FGF13: variants seen among roughly 807,000 people sequenced by gnomAD.
FGF13 encodes the protein fibroblast growth factor homologous factor 2.
FGF13 carries 2 observed loss-of-function variants against 19.5 expected under a neutral mutation model. The ratio of observed to expected loss-of-function variants is 0.10; its 90% CI spans 0.04 to 0.32. The LOEUF (loss-of-function observed/expected upper bound fraction) is 0.32, where lower values mean the gene tolerates loss of function less well. Ranked by LOEUF, FGF13 falls within the 10% of genes least tolerant of loss-of-function variation. FGF13 has a pLI of 1.00. For missense variants in FGF13, 113 were observed against 192.7 expected, an observed-to-expected ratio of 0.59 and a Z score of 2.45; for synonymous variants, 72 against 76.9, an observed-to-expected ratio of 0.94 and a Z score of 0.33.
At chrX:139,130,553 C>T (rs772780652) in intron 1 of FGF13, among the ~76,000 whole-genome samples, 4 of 111,686 alleles carry the variant, frequency 3.6e-5, no homozygotes, top group Non-Finnish European at 5.6e-5. Context: ...GGAGTGTATC[C>T]CCAGTACCTA....
At chrX:139,063,210 C>G (rs1216676821) in intron 1 of FGF13, among the ~76,000 whole-genome samples, 1 of 111,116 alleles carries the variant, frequency 9.0e-6, no homozygotes, top group African/African-American at 3.3e-5. Flanking sequence ...GTTTTTATAA[C>G]ATTTTCTTCT....
intron 1 of FGF13, among the ~76,000 whole-genome samples, chrX:138,724,073 C>G (rs746601569): frequency 2.7e-5 from 3 of 111,985 alleles, no homozygotes; most frequent in African/African-American, 9.7e-5. Context: ...TTGCATACCA[C>G]TTGAGTGGAA....
At chrX:138,910,116 C>G (rs1240891157) in intron 1 of FGF13, among the ~76,000 whole-genome samples, 1 of 110,839 alleles carries the variant, frequency 9.0e-6, no homozygotes, top group Non-Finnish European at 1.9e-5. Context: ...CAAGATCAAG[C>G]TATGTACCAC....
chrX:139,039,076 A>T (rs1194363849), intron 1 of FGF13, among the ~76,000 whole-genome samples: 3 of 112,266 alleles, frequency 2.7e-5, no homozygotes, highest in Non-Finnish European at 5.6e-5. Flanking sequence ...TTTGAAACCA[A>T]GCCTTCTTTA....
intron 3 of FGF13, among the ~76,000 whole-genome samples, chrX:138,669,206 A>G (rs2089587247): frequency 9.0e-6 from 1 of 110,677 alleles, no homozygotes; most frequent in South Asian, 3.9e-4. Context: ...TAATTGATGT[A>G]TCTAGGTCCC....
At chrX:138,850,719 A>G (rs1298559441) in intron 3 of FGF13, among the ~76,000 whole-genome samples, 1 of 112,262 alleles carries the variant, frequency 8.9e-6, no homozygotes, top group African/African-American at 3.2e-5. Context: ...AGTCACCAGA[A>G]CACATGGTCC....
At chrX:138,996,955 T>C (rs367737400) in intron 1 of FGF13, among the ~76,000 whole-genome samples, 1 of 111,684 alleles carries the variant, frequency 9.0e-6, no homozygotes, top group Non-Finnish European at 1.9e-5. Context: ...GGCGGGTGCC[T>C]CTCTGGGACA....
At chrX:138,965,690 T>C (rs2091891925) in intron 1 of FGF13, among the ~76,000 whole-genome samples, 1 of 108,834 alleles carries the variant, frequency 9.2e-6, no homozygotes, top group South Asian at 4.1e-4. Flanking sequence ...ATGTCCCTTG[T>C]TCCAAAATTA....
chrX:138,835,432 T>C (rs1414160038), intron 3 of FGF13, among the ~76,000 whole-genome samples: 2 of 112,197 alleles, frequency 1.8e-5, no homozygotes, highest in East Asian at 5.6e-4. Context: ...TTTTGTTTTT[T>C]GATCTTCATT....
intron 1 of FGF13, among the ~76,000 whole-genome samples, chrX:138,913,720 G>A (rs144397841): frequency 0.033 from 3,519 of 107,198 alleles, 154 homozygotes; most frequent in African/African-American, 0.12. Flanking sequence ...AAAACTATCA[G>A]GGCGAACAAG....
At chrX:138,959,301 G>A (rs1213171305) in intron 1 of FGF13, among the ~76,000 whole-genome samples, 7 of 111,899 alleles carry the variant, frequency 6.3e-5, no homozygotes, top group African/African-American at 3.3e-5. Context: ...TCAGGAGCAG[G>A]TTGTTCAGAT....
At chrX:138,971,767 G>A (rs1489804255) in intron 1 of FGF13, among the ~76,000 whole-genome samples, 2 of 110,974 alleles carry the variant, frequency 1.8e-5, no homozygotes, top group Non-Finnish European at 3.8e-5. Flanking sequence ...ATACATTATT[G>A]TTCACTGAGC....
At chrX:138,719,233 T>C (rs1321410346) in intron 1 of FGF13, among the ~76,000 whole-genome samples, 1 of 112,114 alleles carries the variant, frequency 8.9e-6, no homozygotes, top group Non-Finnish European at 1.9e-5. Context: ...AAATATAGCA[T>C]GATTTTTCTA....
intron 3 of FGF13, among the ~76,000 whole-genome samples, chrX:138,680,979 C>A (rs1444008271): frequency 9.1e-6 from 1 of 109,762 alleles, no homozygotes; most frequent in African/African-American, 3.3e-5. Context: ...TGAGACCAGC[C>A]TGGCCAACAT....
intron 1 of FGF13, among the ~76,000 whole-genome samples, chrX:139,146,799 A>G (rs1192527804): frequency 3.6e-5 from 4 of 111,505 alleles, no homozygotes; most frequent in African/African-American, 1.3e-4. Context: ...ATAAAAAAGG[A>G]TGAGTTCATG....
chrX:138,756,165 C>A (rs1013787340), intron 3 of FGF13, among the ~76,000 whole-genome samples: 11 of 112,419 alleles, frequency 9.8e-5, no homozygotes, highest in African/African-American at 3.6e-4. Context: ...TAAGTCACCC[C>A]GTATTTTGTT....
chrX:139,203,442 C>G (rs2084433477), exon 1 of FGF13: 1 of 100,595 alleles, frequency 9.9e-6, no homozygotes, highest in Admixed American at 1.1e-4. Flanking sequence ...TCGAAGGGTG[C>G]AAACTCCTGC....
intron 1 of FGF13, among the ~76,000 whole-genome samples, chrX:139,068,853 C>T (rs1195950469): frequency 6.3e-5 from 7 of 111,449 alleles, no homozygotes; most frequent in Non-Finnish European, 1.3e-4. Context: ...CCAAAGAACA[C>T]ATGAAAAAAT....
At chrX:139,097,645 C>T (rs1383645530) in intron 1 of FGF13, among the ~76,000 whole-genome samples, 2 of 112,001 alleles carry the variant, frequency 1.8e-5, no homozygotes, top group Middle Eastern at 4.7e-3. Context: ...TAAAAGTCAA[C>T]ATCCATTCAC....
Sources: allele counts gnomAD v4.1 joint callset (sites outside exome capture counted in the v4.1 genomes callset), GRCh38; gene constraint gnomAD v4.1.1; transcripts MANE v1.5; gene names NCBI Gene and HGNC (gene_info 2026-07-23, HGNC 2026-07-21).